Variants in SESTD1 observed in about 807,000 individuals in gnomAD.
The protein encoded by SESTD1 is SEC14 and spectrin domain containing 1.
SESTD1 carries 43 observed loss-of-function variants against 101.7 expected under a neutral mutation model. That is an observed-to-expected ratio of 0.42 (90% CI 0.33 to 0.55). The LOEUF (loss-of-function observed/expected upper bound fraction) is 0.55. SESTD1 is among the 20% of genes least tolerant of loss of function. The pLI is 0.07. For missense variants in SESTD1, 647 were observed against 815.1 expected (o/e 0.79, Z 2.51); for synonymous variants, 283 against 286.8 (o/e 0.99, Z 0.13).
At chr2:179,241,390 A>G (rs2047151018) in intron 1 of SESTD1, among the ~76,000 whole-genome samples, 1 of 152,054 alleles carries the variant, frequency 6.6e-6, no homozygotes, top group Admixed American at 6.6e-5. Flanking sequence ...GGACACACAC[A>G]AAAAAAATCT....
chr2:179,170,965 T>C (rs921309874), intron 5 of SESTD1, among the ~76,000 whole-genome samples: 10 of 152,200 alleles, frequency 6.6e-5, no homozygotes, highest in Non-Finnish European at 1.5e-4. Context: ...AGCCAGTAAA[T>C]GTTAGTAAAG....
chr2:179,228,200 T>C (rs568487082), intron 1 of SESTD1, among the ~76,000 whole-genome samples: 1 of 152,282 alleles, frequency 6.6e-6, no homozygotes, highest in South Asian at 2.1e-4. Context: ...ATGACAGACA[T>C]CAAATATGTC....
intron 1 of SESTD1, among the ~76,000 whole-genome samples, chr2:179,217,924 G>A (rs1192814376): frequency 6.7e-6 from 1 of 148,908 alleles, no homozygotes; most frequent in Non-Finnish European, 1.5e-5. Context: ...GGTGGAAACT[G>A]AACAACGAGA....
intron 13 of SESTD1, among the ~76,000 whole-genome samples, chr2:179,118,099 T>G (rs1014945834): frequency 6.6e-6 from 1 of 151,978 alleles, no homozygotes; most frequent in Non-Finnish European, 1.5e-5. Context: ...GCCTCCCAAG[T>G]AGCTAAGACT....
chr2:179,260,126 TAC>T (rs2047461743), intron 1 of SESTD1, among the ~76,000 whole-genome samples: 1 of 152,254 alleles, frequency 6.6e-6, no homozygotes, highest in African/African-American at 2.4e-5. Flanking sequence ...TACAGTTCAT[TAC>T]ATTTTTTTCA....
intron 16 of SESTD1, 25 bp downstream of exon 16, chr2:179,115,037 GAAT>G (rs1251028031): frequency 6.3e-7 from 1 of 1,593,642 alleles, no homozygotes; most frequent in Non-Finnish European, 8.6e-7. Context: ...ATACCACTGA[GAAT>G]AACATTTCAA....
At chr2:179,132,680 A>G (rs1410890089) in intron 9 of SESTD1, among the ~76,000 whole-genome samples, 8 of 152,232 alleles carry the variant, frequency 5.3e-5, no homozygotes, top group Non-Finnish European at 7.3e-5. Context: ...TTTCAGGCTA[A>G]AAGAAATCTG....
At chr2:179,176,390 A>C in intron 4 of SESTD1, 58 bp downstream of exon 4, 1 of 1,340,746 alleles carries the variant, frequency 7.5e-7, no homozygotes, top group Non-Finnish European at 1.1e-6. Flanking sequence ...TGCCATTTTC[A>C]CCAGGATCTG....
intron 1 of SESTD1, among the ~76,000 whole-genome samples, chr2:179,231,589 T>C (rs2046988897): frequency 6.6e-6 from 1 of 151,532 alleles, no homozygotes; most frequent in African/African-American, 2.4e-5. Context: ...TAGAACAATG[T>C]ACACAGTATT....
chr2:179,251,837 A>G (rs2047321616), intron 1 of SESTD1, among the ~76,000 whole-genome samples: 1 of 152,184 alleles, frequency 6.6e-6, no homozygotes, highest in Non-Finnish European at 1.5e-5. Context: ...GGCCCTCACC[A>G]GATACAAAAT....
At chr2:179,172,311 T>A in intron 4 of SESTD1, 78 bp from the exon 5 acceptor site, 1 of 946,750 alleles carries the variant, frequency 1.1e-6, no homozygotes, top group Non-Finnish European at 1.6e-6. Context: ...TACCAGACAG[T>A]CAAGATTATG....
At chr2:179,116,597 T>C in intron 15 of SESTD1, 71 bp downstream of exon 15, 1 of 1,610,268 alleles carries the variant, frequency 6.2e-7, no homozygotes, top group Non-Finnish European at 8.5e-7. Context: ...GAAGGTAAAG[T>C]TACATTATAA....
chr2:179,259,721 C>T (rs2047454561), intron 1 of SESTD1, among the ~76,000 whole-genome samples: 1 of 152,068 alleles, frequency 6.6e-6, no homozygotes, highest in South Asian at 2.1e-4. Context: ...GTTGGGTATT[C>T]ACTACATGCA....
At chr2:179,165,974 C>T (rs567294046) in intron 5 of SESTD1, among the ~76,000 whole-genome samples, 1 of 152,298 alleles carries the variant, frequency 6.6e-6, no homozygotes, top group South Asian at 2.1e-4. Flanking sequence ...GAGCTAAATT[C>T]ACAAGGAAAC....
intron 7 of SESTD1, 115 bp from the exon 8 acceptor site, chr2:179,146,572 G>T: frequency 2.5e-6 from 2 of 800,244 alleles, no homozygotes; most frequent in Non-Finnish European, 4.0e-6. Flanking sequence ...AAAATCTGAA[G>T]CATACCATCC....
chr2:179,166,337 G>A (rs2045833881), intron 5 of SESTD1, among the ~76,000 whole-genome samples: 3 of 152,070 alleles, frequency 2.0e-5, no homozygotes, highest in Non-Finnish European at 2.9e-5. Context: ...ATGAAGCACA[G>A]CCCAAAATCT....
intron 4 of SESTD1, among the ~76,000 whole-genome samples, chr2:179,176,011 G>C (rs898360677): frequency 6.6e-6 from 1 of 152,158 alleles, no homozygotes; most frequent in Admixed American, 6.5e-5. Context: ...GACCAGAAGA[G>C]AAAGACATGC....
chr2:179,194,804 C>T (rs1381190599), intron 1 of SESTD1, among the ~76,000 whole-genome samples: 1 of 152,160 alleles, frequency 6.6e-6, no homozygotes, highest in Non-Finnish European at 1.5e-5. Flanking sequence ...TTATACCAAG[C>T]TGGCTGAGGC....
At chr2:179,200,306 T>A (rs1245322141) in intron 1 of SESTD1, among the ~76,000 whole-genome samples, 7 of 152,308 alleles carry the variant, frequency 4.6e-5, no homozygotes, top group Middle Eastern at 6.8e-3. Flanking sequence ...TCCATGCTCA[T>A]GGGTAGGAAG....
Sources: gnomAD v4.1 joint callset for allele counts (sites outside exome capture counted in the v4.1 genomes callset) on GRCh38, gnomAD v4.1.1 for gene constraint, MANE v1.5 for transcripts, NCBI Gene and HGNC (gene_info 2026-07-23, HGNC 2026-07-21) for gene names.